Variants in NRG1 observed in about 807,000 individuals in gnomAD.
NRG1 encodes the protein neuregulin 1, also known as pro-neuregulin-1, membrane-bound isoform.
Under a neutral mutation model 63.8 loss-of-function variants are expected in NRG1, and 18 were observed. That is an observed-to-expected ratio of 0.28 (90% CI 0.19 to 0.42). The LOEUF (loss-of-function observed/expected upper bound fraction) is 0.42, where lower values mean the gene tolerates loss of function less well. NRG1 is among the 10% of genes least tolerant of loss of function. The pLI is 1.00. For missense variants in NRG1, 762 were observed against 814.7 expected, an observed-to-expected ratio of 0.94 and a Z score of 0.79; for synonymous variants, 302 against 301.3, an observed-to-expected ratio of 1.00 and a Z score of -0.02.
rs74368535 is a variant in NRG1, at chr8:32,213,875, G to A, written c.38-381953G>A. Among the ~76,000 whole-genome samples, 340 of 152,226 alleles carry A rather than the reference G, an allele frequency of 2.2e-3. 5 individuals are homozygous for A. Among genetic ancestry groups the A allele is most frequent in the African/African-American group, 7.8e-3 (326 of 41,550 alleles). On this transcript the variant is annotated intron_variant, in intron 1 of 10. Coordinates refer to the NRG1 transcript ENST00000519301. ...GCACTCAGACGTGAGTAACTCCAAG[G>A]GCTGGTAAGACCTTGAGCTAATATA...
chr8:32,676,860 T>G (rs929408706), intron 5 of NRG1, among the ~76,000 whole-genome samples: 1 of 152,174 alleles, frequency 6.6e-6, no homozygotes, highest in Admixed American at 6.5e-5. Flanking sequence ...TTACAGTAAG[T>G]GATGAGAAAT....
chr8:32,061,805 G>A (rs893270059), intron 1 of NRG1: 4 of 152,002 alleles, frequency 2.6e-5, no homozygotes, highest in Non-Finnish European at 5.9e-5. Context: ...GCTACATAGA[G>A]AGGACGTAGA....
chr8:32,041,027 T>C (rs946186622), intron 1 of NRG1, among the ~76,000 whole-genome samples: 7 of 151,952 alleles, frequency 4.6e-5, no homozygotes, highest in African/African-American at 1.7e-4. Context: ...TGAAAAAATT[T>C]CTGACATCTG....
At chr8:31,958,376 G>GA (rs1029694604) in intron 1 of NRG1, among the ~76,000 whole-genome samples, 11 of 151,236 alleles carry the variant, frequency 7.3e-5, no homozygotes, top group Admixed American at 7.3e-4. Context: ...AACTTAAAGG[G>GA]AAAAAAAAAT....
At chr8:32,700,080 C>T (rs994342455) in intron 5 of NRG1, among the ~76,000 whole-genome samples, 2 of 152,014 alleles carry the variant, frequency 1.3e-5, no homozygotes, top group African/African-American at 2.4e-5. Flanking sequence ...TAGCAGACCC[C>T]CTCCCATTTC....
intron 1 of NRG1, among the ~76,000 whole-genome samples, chr8:32,194,125 G>T (rs963699961): frequency 6.6e-6 from 1 of 152,068 alleles, no homozygotes; most frequent in Non-Finnish European, 1.5e-5. Context: ...CCAAGCCTCC[G>T]TTTCCTCATC....
intron 1 of NRG1, among the ~76,000 whole-genome samples, chr8:31,732,114 C>T (rs1346905708): frequency 6.6e-6 from 1 of 152,022 alleles, no homozygotes; most frequent in Non-Finnish European, 1.5e-5. Context: ...AAAACAGTGC[C>T]CAGTTCTTGG....
At chr8:32,119,674 C>G (rs931948615) in intron 1 of NRG1, among the ~76,000 whole-genome samples, 1 of 152,058 alleles carries the variant, frequency 6.6e-6, no homozygotes, top group Non-Finnish European at 1.5e-5. Flanking sequence ...CTCCTCCATG[C>G]CCTTTCCCCT....
intron 1 of NRG1, among the ~76,000 whole-genome samples, chr8:31,762,635 C>A (rs1342737039): frequency 2.0e-5 from 3 of 151,844 alleles, no homozygotes; most frequent in African/African-American, 7.3e-5. Flanking sequence ...TATTTTCTGT[C>A]TAATTGCTCT....
intron 5 of NRG1, chr8:32,646,684 A>G (rs1478982518): frequency 1.0e-6 from 1 of 985,266 alleles, no homozygotes; most frequent in East Asian, 1.1e-4. Context: ...CAGCTTTTGT[A>G]GAGAAAGAAA....
At chr8:32,472,182 C>CT (rs138424066) in intron 1 of NRG1, among the ~76,000 whole-genome samples, 16,187 of 151,996 alleles carry the variant, frequency 0.11, 1,131 homozygotes, top group South Asian at 0.16. Context: ...GGCGTTTATT[C>CT]TTTTTTTTGA....
intron 1 of NRG1, among the ~76,000 whole-genome samples, chr8:32,559,841 C>CAAAAA (rs575336896): frequency 2.4e-5 from 3 of 127,412 alleles, no homozygotes; most frequent in Admixed American, 8.0e-5. Context: ...CAAAAAAATA[C>CAAAAA]AAAAAAAAAA....
chr8:31,674,051 C>T (rs929866602), intron 1 of NRG1, among the ~76,000 whole-genome samples: 3 of 152,020 alleles, frequency 2.0e-5, no homozygotes, highest in Admixed American at 6.6e-5. Flanking sequence ...CAGTATATGC[C>T]CTTCTGTGTC....
chr8:31,926,890 C>G (rs1262844977), intron 1 of NRG1, among the ~76,000 whole-genome samples: 1 of 152,166 alleles, frequency 6.6e-6, no homozygotes, highest in Admixed American at 6.5e-5. Flanking sequence ...GGTATCTGGG[C>G]ACCTAGACTA....
intron 1 of NRG1, among the ~76,000 whole-genome samples, chr8:32,021,645 C>T (rs1337467318): frequency 1.3e-5 from 2 of 152,128 alleles, no homozygotes; most frequent in African/African-American, 4.8e-5. Flanking sequence ...TGTAACCAGA[C>T]ATGTGAACAT....
chr8:32,413,851 A>G (rs1815462069), intron 1 of NRG1, among the ~76,000 whole-genome samples: 1 of 152,024 alleles, frequency 6.6e-6, no homozygotes, highest in African/African-American at 2.4e-5. Context: ...CCTTAGAGCC[A>G]TTCTCTGCCC....
intron 1 of NRG1, among the ~76,000 whole-genome samples, chr8:31,911,284 T>C (rs1832924726): frequency 6.6e-6 from 1 of 152,138 alleles, no homozygotes; most frequent in Admixed American, 6.6e-5. Flanking sequence ...CAAATGCATG[T>C]GTATGTTTAT....
intron 1 of NRG1, among the ~76,000 whole-genome samples, chr8:32,384,939 T>G (rs1810796728): frequency 6.6e-6 from 1 of 152,214 alleles, no homozygotes; most frequent in South Asian, 2.1e-4. Flanking sequence ...CTGATTCAAA[T>G]TTTTAAGAGA....
At chr8:32,741,825 A>C (rs981152161) in intron 6 of NRG1, among the ~76,000 whole-genome samples, 183 bp from the exon 7 acceptor site, 1 of 152,118 alleles carries the variant, frequency 6.6e-6, no homozygotes, top group Non-Finnish European at 1.5e-5. Context: ...CAACAACAAA[A>C]ATCTGTAACC....
Sources: allele counts gnomAD v4.1 joint callset (sites outside exome capture counted in the v4.1 genomes callset), GRCh38; gene constraint gnomAD v4.1.1; transcripts MANE v1.5; gene names NCBI Gene and HGNC (gene_info 2026-07-23, HGNC 2026-07-21).